Variants in YAE1 observed in about 807,000 individuals in gnomAD.
The protein encoded by YAE1 is YAE1 maturation factor of ABCE1, also known as protein YAE1 homolog.
A neutral mutation model predicts 23.0 loss-of-function variants in YAE1; 22 were observed. The ratio of observed to expected loss-of-function variants is 0.96; its 90% confidence interval spans 0.68 to 1.37. The LOEUF is 1.37. YAE1 is among the 40% of genes most tolerant of loss of function. The pLI, the probability that YAE1 is intolerant of heterozygous loss-of-function variation, is 0.00. For synonymous variants in YAE1, 101 were observed against 97.0 expected, an observed-to-expected ratio of 1.04 and a Z score of -0.24; for missense variants, 260 against 262.1, an observed-to-expected ratio of 0.99 and a Z score of 0.06.
At position 39,588,680 on chromosome 7, in the gene YAE1, T is replaced by G. The variant is rs948430781; in HGVS notation, c.251+18053T>G. Reference sequence around the variant, plus strand: ...GGATATTTGCTTAGTACTAACGTTGTTTACATCCACTTACTTGGTCTTATT... The same window carrying G: ...GGATATTTGCTTAGTACTAACGTTGGTTACATCCACTTACTTGGTCTTATT... On this transcript the variant is annotated intron_variant, in intron 2 of 2. Transcript: ENST00000432096. Among the ~76,000 whole-genome samples, 3 of 152,162 alleles carry G rather than the reference T, an allele frequency of 2.0e-5. No individual in the cohort carries two copies. In the South Asian group the frequency reaches 6.2e-4, roughly 32 times the overall value.
At chr7:39,602,150 C>CA (rs949052485) in intron 2 of YAE1, among the ~76,000 whole-genome samples, 1 of 152,152 alleles carries the variant, frequency 6.6e-6, no homozygotes, top group Non-Finnish European at 1.5e-5. Context: ...CTAGAGGACT[C>CA]AAAGAGACAG....
chr7:39,582,910 G>A (rs1037267049), intron 2 of YAE1, among the ~76,000 whole-genome samples: 23 of 152,134 alleles, frequency 1.5e-4, no homozygotes, highest in African/African-American at 5.3e-4. Flanking sequence ...GCCAAAGATC[G>A]GTATAGCTTT....
intron 2 of YAE1, among the ~76,000 whole-genome samples, chr7:39,602,293 A>T (rs1456887580): frequency 6.6e-6 from 1 of 152,230 alleles, no homozygotes; most frequent in African/African-American, 2.4e-5. Flanking sequence ...AGAATATTCC[A>T]GCCCAATGCA....
At chr7:39,598,706 G>A (rs1244408526) in intron 2 of YAE1, among the ~76,000 whole-genome samples, 1 of 151,108 alleles carries the variant, frequency 6.6e-6, no homozygotes, top group Non-Finnish European at 1.5e-5. Flanking sequence ...GAACCCAGGA[G>A]GTCAAGGCTG....
chr7:39,568,178 C>T (rs1790505270), intron 1 of YAE1, among the ~76,000 whole-genome samples: 1 of 151,950 alleles, frequency 6.6e-6, no homozygotes, highest in African/African-American at 2.4e-5. Flanking sequence ...GCAGAGGTTG[C>T]AGTGAGCTGA....
intron 2 of YAE1, among the ~76,000 whole-genome samples, chr7:39,606,182 C>G (rs1044543065): frequency 6.7e-6 from 1 of 149,220 alleles, no homozygotes; most frequent in Admixed American, 6.7e-5. Context: ...TTTTTGTGCT[C>G]AAAAAAAATA....
At chr7:39,579,116 A>G (rs535248289) in intron 2 of YAE1, among the ~76,000 whole-genome samples, 8 of 152,328 alleles carry the variant, frequency 5.3e-5, no homozygotes, top group African/African-American at 1.9e-4. Context: ...AGTGTTTACT[A>G]TATGTAGGCA....
chr7:39,572,981 C>T, downstream of YAE1: 1 of 802,544 alleles, frequency 1.2e-6, no homozygotes. Context: ...GAAGTGTTTT[C>T]AGACTCATTA....
At chr7:39,588,866 C>G (rs188848641) in intron 2 of YAE1, among the ~76,000 whole-genome samples, 1 of 151,880 alleles carries the variant, frequency 6.6e-6, no homozygotes, top group East Asian at 1.9e-4. Context: ...ATCTGTCGCC[C>G]AAGCTGGAGT....
At chr7:39,566,747 G>A in intron 1 of YAE1, 200 bp downstream of exon 1, 1 of 689,350 alleles carries the variant, frequency 1.5e-6, no homozygotes, top group South Asian at 2.0e-5. Context: ...TTCTTTGAGC[G>A]CCTACGGGAT....
intron 2 of YAE1, 186 bp downstream of exon 2, chr7:39,570,813 G>A: frequency 1.6e-6 from 1 of 636,788 alleles, no homozygotes; most frequent in East Asian, 3.3e-5. Flanking sequence ...CTACTTTAAT[G>A]TGTGAACTAC....
At chr7:39,605,860 C>T (rs533708836) in intron 2 of YAE1, among the ~76,000 whole-genome samples, 1 of 152,158 alleles carries the variant, frequency 6.6e-6, no homozygotes, top group East Asian at 1.9e-4. Flanking sequence ...GTTTTTACTT[C>T]CTGCTGGGCT....
intron 1 of YAE1, chr7:39,569,859 G>T: frequency 1.1e-6 from 1 of 918,560 alleles, no homozygotes; most frequent in Non-Finnish European, 1.8e-6. Context: ...TGGACCCTGA[G>T]GATGCCTAAA....
intron 2 of YAE1, among the ~76,000 whole-genome samples, chr7:39,598,606 A>G (rs928783937): frequency 6.6e-6 from 1 of 151,444 alleles, no homozygotes; most frequent in African/African-American, 2.4e-5. Flanking sequence ...GCAAAACTCT[A>G]TCTCTACCAA....
At chr7:39,593,396 T>C (rs1285345977) in intron 2 of YAE1, among the ~76,000 whole-genome samples, 1 of 151,768 alleles carries the variant, frequency 6.6e-6, no homozygotes, top group Non-Finnish European at 1.5e-5. Context: ...TGTAGGCCAG[T>C]GCCACCACGC....
chr7:39,570,287 C>T (rs372424569), intron 1 of YAE1: 115 of 664,254 alleles, frequency 1.7e-4, no homozygotes, highest in South Asian at 1.3e-3. Context: ...AAAAATTGCC[C>T]GGTAACTCTA....
chr7:39,597,961 C>CT (rs572445851), intron 2 of YAE1, among the ~76,000 whole-genome samples: 5 of 151,964 alleles, frequency 3.3e-5, no homozygotes, highest in Admixed American at 2.0e-4. Flanking sequence ...AAAAATTTTT[C>CT]TTTTTTTTCT....
chr7:39,569,338 G>GT (rs1047130326), intron 1 of YAE1: 2 of 338,324 alleles, frequency 5.9e-6, no homozygotes, highest in African/African-American at 2.2e-5. Flanking sequence ...TCAGTCTTCT[G>GT]TTTTTATCAA....
At chr7:39,569,848 T>C in intron 1 of YAE1, 1 of 866,710 alleles carries the variant, frequency 1.2e-6, no homozygotes, top group Non-Finnish European at 2.0e-6. Flanking sequence ...TTCTGAGTCC[T>C]TGGACCCTGA....
Sources: gnomAD v4.1 joint callset for allele counts (sites outside exome capture counted in the v4.1 genomes callset) on GRCh38, gnomAD v4.1.1 for gene constraint, MANE v1.5 for transcripts, NCBI Gene and HGNC (gene_info 2026-07-23, HGNC 2026-07-21) for gene names.